Variants in NOX5 observed in about 807,000 individuals in gnomAD.
NOX5 encodes the protein NADPH oxidase 5.
NOX5 carries 76 observed loss-of-function variants against 85.7 expected under a neutral mutation model. The ratio of observed to expected loss-of-function variants is 0.89; its 90% CI spans 0.74 to 1.07. NOX5 has a LOEUF of 1.07. Among genes scored for constraint, NOX5 ranks in the 50% least tolerant of loss-of-function variants. The pLI is 0.00. For synonymous variants in NOX5, 405 were observed against 401.4 expected (o/e 1.01, Z -0.11); for missense variants, 973 against 999.5 (o/e 0.97, Z 0.36).
chr15:69,015,796 T>TG (rs774059605), intron 1 of NOX5, among the ~76,000 whole-genome samples: 1 of 151,208 alleles, frequency 6.6e-6, no homozygotes, highest in Non-Finnish European at 1.5e-5. Flanking sequence ...TGAATGTCTT[T>TG]GGGGGGGCAG....
At chr15:69,030,301 T>A (rs1273993834) in intron 3 of NOX5, 1 of 152,142 alleles carries the variant, frequency 6.6e-6, no homozygotes, top group Non-Finnish European at 1.5e-5. Flanking sequence ...GCCATCAAAG[T>A]GTGTTGAGCA....
At position 69,037,216 on chromosome 15, in the gene NOX5, A is replaced by C; in HGVS notation, c.1371+6A>C. On this transcript the variant is annotated splice_donor_region_variant and intron_variant, in intron 8 of 15. Coordinates refer to ENST00000388866, the MANE Select transcript of NOX5 (RefSeq NM_024505.4). ...TCAACCTCCTCCCCTCCAAGGTACAAAGGTGGGGGATGGGGAGGTGCTTTT... is the reference window on the plus strand; with the variant it reads ...TCAACCTCCTCCCCTCCAAGGTACACAGGTGGGGGATGGGGAGGTGCTTTT... 1 of 1,611,368 alleles carries C rather than the reference A, an allele frequency of 6.2e-7. No homozygotes were observed.
chr15:69,035,879 GCTC>G lies in NOX5; in HGVS notation c.1138_1140del (p.Leu380del). 6.2e-7 allele frequency: 1 copy of G among 1,614,124 alleles called. No homozygotes were observed. The highest frequency in any genetic ancestry group is 1.1e-5 in the South Asian group (1 of 91,080). On this transcript the variant is annotated inframe_deletion, in exon 7 of 16. Transcript: ENST00000388866. ...CGACAGGTGTCGCTCTGCTGCTGCT[GCTC>G]CTCCTCATGTTCATCTGCTCCAGTT...
At chr15:69,028,474 C>A in intron 3 of NOX5, 109 bp downstream of exon 3, 1 of 1,123,282 alleles carries the variant, frequency 8.9e-7, no homozygotes, top group Non-Finnish European at 1.2e-6. Flanking sequence ...GCCTCCTGAG[C>A]CCAGCCTGGG....
chr15:69,015,604 C>G (rs577860997), intron 1 of NOX5, among the ~76,000 whole-genome samples: 52 of 152,288 alleles, frequency 3.4e-4, no homozygotes, highest in African/African-American at 1.2e-3. Flanking sequence ...GTGAAATGTG[C>G]AGATTCCTGC....
At chr15:69,051,471 C>T (rs2050749051) in intron 14 of NOX5, among the ~76,000 whole-genome samples, 1 of 152,036 alleles carries the variant, frequency 6.6e-6, no homozygotes, top group South Asian at 2.1e-4. Flanking sequence ...CCTCTGCCTC[C>T]CGGGCTCAAG....
At chr15:69,014,895 A>G in intron 1 of NOX5, 110 bp downstream of exon 1, 1 of 813,724 alleles carries the variant, frequency 1.2e-6, no homozygotes, top group South Asian at 1.6e-5. Flanking sequence ...GGCAGAAATC[A>G]GAAGATCTGA....
At chr15:69,043,468 T>A (rs1420578296) in intron 10 of NOX5, 1 of 152,106 alleles carries the variant, frequency 6.6e-6, no homozygotes, top group Non-Finnish European at 1.5e-5. Flanking sequence ...GGTTAACATA[T>A]GAAAACCCTG....
In NOX5 at chr15:69,038,898, T is replaced by C. The variant is rs1371439576; in HGVS notation, c.1413T>C (p.Tyr471=). 6.2e-7 allele frequency: 1 copy of C among 1,614,160 alleles called. No homozygotes were observed. The highest frequency in any genetic ancestry group is 1.7e-5 in the Admixed American group (1 of 60,030). ...TCAAGCGGCCCCCTTTTTTTCACTA[T>C]AGACCTGGTGACTACTTGTATCTGA... ...LLIKRPPFFH[Y]RPGDYLYLNI... is the part of the protein sequence containing the mutation. Residue 471 remains tyrosine, a synonymous_variant, in exon 9 of 16, where the codon TAT becomes TAC. Transcript: ENST00000388866.
rs1224468018 is a variant in NOX5, at chr15:69,059,170, G to A, written c.*2474G>A. The A allele has an allele frequency of 2.0e-5, 3 of 152,194 alleles. No homozygotes were observed. The highest frequency in any genetic ancestry group is 2.4e-5 in the African/African-American group (1 of 41,446). The allele number at this position is 152,194 out of a possible 1,614,324, so 9.4% of individuals were successfully genotyped here. ...AGCAGGTGGAAGGACTTGGACATAC[G>A]ATTCTAAAATCCGTGAATGCCCACA... On this transcript the variant is annotated 3_prime_UTR_variant, in exon 16 of 16. Transcript: ENST00000388866.
chr15:69,042,834 A>T (rs746057588), intron 10 of NOX5, 29 bp downstream of exon 10: 1 of 1,604,698 alleles, frequency 6.2e-7, no homozygotes, highest in South Asian at 1.1e-5. Context: ...GAAGGGGTCC[A>T]CTCTGCTGGC....
chr15:69,030,413 A>G lies in NOX5; in HGVS notation c.326-1105A>G, dbSNP rs186170935. 11 of 152,318 alleles carry G rather than the reference A, an allele frequency of 7.2e-5. No homozygotes were observed. The East Asian group carries it at 1.9e-3, about 27-fold the overall frequency. The allele number at this position is 152,318 out of a possible 1,614,324, so 9.4% of individuals were successfully genotyped here. On this transcript the variant is annotated intron_variant, in intron 3 of 15. Transcript: ENST00000388866. ...GGGCGGAAAACAGGTAGCTGGCTTC[A>G]CCCAGGGATGGGATATTCTTAGAGT...
chr15:69,018,671 T>C (rs2050262099), intron 1 of NOX5, among the ~76,000 whole-genome samples: 1 of 152,010 alleles, frequency 6.6e-6, no homozygotes, highest in Non-Finnish European at 1.5e-5. Flanking sequence ...TGGGATGAGG[T>C]TGTGCCGTGT....
At chr15:69,036,983 C>T (rs371232013) in intron 7 of NOX5, 45 bp from the exon 8 acceptor site, 4 of 1,525,568 alleles carry the variant, frequency 2.6e-6, no homozygotes, top group South Asian at 2.3e-5. Flanking sequence ...TTCCACCCCC[C>T]AGGCCTTGAG....
chr15:69,022,263 A>G lies in NOX5; in HGVS notation c.51-4265A>G, dbSNP rs114512428. The G allele has an allele frequency of 8.8e-3, 1,789 of 203,236 alleles. 85 individuals are homozygous for G. Among genetic ancestry groups the G allele is most frequent in the African/African-American group, 0.04 (1,714 of 43,232 alleles). The allele number at this position is 203,236 out of a possible 1,614,324, so 12.6% of individuals were successfully genotyped here. A position where few individuals can be genotyped will look rare whatever the true frequency, so the allele number is the denominator to read the frequency against. On this transcript the variant is annotated intron_variant, in intron 1 of 15. Coordinates refer to ENST00000388866, the MANE Select transcript of NOX5 (RefSeq NM_024505.4). Reference sequence around the variant, plus strand: ...CAATAATGTCGAAGTTTTTATCCCAATGTCACAAGGAAACACCAATGGCTT... The same window carrying G: ...CAATAATGTCGAAGTTTTTATCCCAGTGTCACAAGGAAACACCAATGGCTT...
At chr15:69,031,105 C>T (rs1040044821) in intron 3 of NOX5, 5 of 180,584 alleles carry the variant, frequency 2.8e-5, no homozygotes, top group Admixed American at 1.2e-4. Context: ...GAATGCCTAG[C>T]TGTGGCCCCT....
chr15:69,023,185 C>CT lies in NOX5; in HGVS notation c.51-3342dup, dbSNP rs2050316213. Reference sequence around the variant, plus strand: ...GAAGCCACGGAGACTGTAGAGACCGCTAAGAGAGATAAGTCACTCACAGAA... The same window carrying CT: ...GAAGCCACGGAGACTGTAGAGACCGCTTAAGAGAGATAAGTCACTCACAGAA... On this transcript the variant is annotated intron_variant, in intron 1 of 15. Transcript: ENST00000388866. 2.5e-5 allele frequency: 7 copies of CT among 280,070 alleles called. No homozygotes were observed. In the South Asian group the frequency reaches 2.7e-4, roughly 11 times the overall value. The allele number at this position is 280,070 out of a possible 1,614,324, so 17.3% of individuals were successfully genotyped here.
At chr15:69,026,063 T>C (rs2050353378) in intron 1 of NOX5, among the ~76,000 whole-genome samples, 1 of 152,240 alleles carries the variant, frequency 6.6e-6, no homozygotes, top group African/African-American at 2.4e-5. Flanking sequence ...GTTACCTAAT[T>C]GCTCTGAGCC....
intron 13 of NOX5, 152 bp from the exon 14 acceptor site, chr15:69,048,807 T>G (rs997886442): frequency 1.8e-6 from 1 of 547,390 alleles, no homozygotes; most frequent in African/African-American, 1.9e-5. Context: ...GCTGCTCACC[T>G]CTATGAGCCT....
Sources: allele counts gnomAD v4.1 joint callset (sites outside exome capture counted in the v4.1 genomes callset), GRCh38; gene constraint gnomAD v4.1.1; transcripts MANE v1.5; gene names NCBI Gene and HGNC (gene_info 2026-07-23, HGNC 2026-07-21).